Variants in MACF1 observed in about 807,000 individuals in gnomAD.
MACF1 encodes microtubule actin crosslinking factor 1.
In MACF1, 193 loss-of-function variants were observed where a neutral mutation model predicts 854.8. The ratio of observed to expected loss-of-function variants is 0.23; its 90% confidence interval spans 0.20 to 0.25. The LOEUF is 0.25. Among genes scored for constraint, MACF1 ranks in the 10% least tolerant of loss-of-function variants. MACF1 has a pLI of 1.00. For missense variants in MACF1, 7,722 were observed against 8,929.1 expected, an observed-to-expected ratio of 0.86 and a Z score of 5.45; for synonymous variants, 3,185 against 3,226.7, an observed-to-expected ratio of 0.99 and a Z score of 0.44.
intron 58 of MACF1, among the ~76,000 whole-genome samples, chr1:39,406,201 G>C (rs1385471828): frequency 6.6e-6 from 1 of 152,086 alleles, no homozygotes; most frequent in Non-Finnish European, 1.5e-5. Flanking sequence ...ATTTAAATTT[G>C]TTTTCCTAAC....
chr1:39,470,839 A>G (rs1430862732), intron 97 of MACF1, among the ~76,000 whole-genome samples: 1 of 152,220 alleles, frequency 6.6e-6, no homozygotes, highest in East Asian at 1.9e-4. Context: ...ACTAAATAAA[A>G]GAGATATTGC....
intron 2 of MACF1, among the ~76,000 whole-genome samples, chr1:39,198,500 A>C (rs985775374): frequency 2.0e-5 from 3 of 151,796 alleles, no homozygotes; most frequent in Non-Finnish European, 2.9e-5. Flanking sequence ...AAAATACAAA[A>C]ATTAGCCGGG....
intron 2 of MACF1, among the ~76,000 whole-genome samples, chr1:39,146,967 A>G (rs1643479265): frequency 6.6e-6 from 1 of 151,882 alleles, no homozygotes; most frequent in Non-Finnish European, 1.5e-5. Flanking sequence ...AAATATATAC[A>G]CCTACTGAGT....
chr1:39,436,546 G>A, intron 70 of MACF1: 1 of 1,505,364 alleles, frequency 6.6e-7, no homozygotes, highest in Non-Finnish European at 9.2e-7. Context: ...GAAAATTGAG[G>A]TCATTACCTG....
chr1:39,411,490 A>G (rs748134966), intron 58 of MACF1: 5 of 1,613,556 alleles, frequency 3.1e-6, no homozygotes, highest in Admixed American at 3.3e-5. Context: ...CCAGTTGGCT[A>G]CTGTTCCCAA....
chr1:39,177,460 G>A (rs929380380), intron 2 of MACF1, among the ~76,000 whole-genome samples: 2 of 152,130 alleles, frequency 1.3e-5, no homozygotes, highest in Non-Finnish European at 1.5e-5. Context: ...CCAGATTGAT[G>A]CCTAATGTAC....
chr1:39,363,730 A>G (rs946758150), intron 49 of MACF1, among the ~76,000 whole-genome samples: 10 of 151,746 alleles, frequency 6.6e-5, no homozygotes, highest in Non-Finnish European at 1.5e-4. Flanking sequence ...CTCCTGCCTC[A>G]GCCTCCCAAG....
intron 60 of MACF1, among the ~76,000 whole-genome samples, 173 bp from the exon 61 acceptor site, chr1:39,423,855 G>T (rs1169148963): frequency 1.3e-5 from 2 of 151,714 alleles, no homozygotes; most frequent in African/African-American, 4.8e-5. Context: ...AAAAGTATAC[G>T]AGTGGTGAGA....
intron 2 of MACF1, among the ~76,000 whole-genome samples, chr1:39,231,714 A>C (rs531429909): frequency 6.6e-6 from 1 of 150,668 alleles, no homozygotes; most frequent in Non-Finnish European, 1.5e-5. Flanking sequence ...TAATTTATTA[A>C]TTTATTTTAA....
At chr1:39,154,786 C>T (rs1290278372) in intron 2 of MACF1, among the ~76,000 whole-genome samples, 4 of 152,084 alleles carry the variant, frequency 2.6e-5, no homozygotes, top group Non-Finnish European at 5.9e-5. Flanking sequence ...ACATCTCAGG[C>T]ACTGTAGTCT....
intron 1 of MACF1, among the ~76,000 whole-genome samples, chr1:39,218,759 G>T (rs1644609982): frequency 6.7e-6 from 1 of 149,976 alleles, no homozygotes; most frequent in Non-Finnish European, 1.5e-5. Context: ...GTTTTCCTAA[G>T]AAATAAGGTA....
At position 39,435,680 on chromosome 1, in the gene MACF1, A is replaced by G. The variant is rs746650865; in HGVS notation, c.17907A>G (p.Ala5969=). The G allele has an allele frequency of 1.9e-6, 3 of 1,614,100 alleles. No homozygotes were observed. The highest frequency in any genetic ancestry group is 2.5e-6 in the Non-Finnish European group (3 of 1,180,034). ...TGGTGGAAGAAAAATACCAGAAAGCAGAAAACATGTATGCCCAAATAAAGG... is the reference window on the plus strand; with the variant it reads ...TGGTGGAAGAAAAATACCAGAAAGCGGAAAACATGTATGCCCAAATAAAGG... ...GEMVEEKYQK[A]ENMYAQIKEE... Residue 5969 remains alanine, a synonymous_variant, in exon 70 of 101, where the codon GCA becomes GCG. Transcript: ENST00000564288.
At chr1:39,470,006 G>T (rs1386107346) in intron 97 of MACF1, among the ~76,000 whole-genome samples, 1 of 152,174 alleles carries the variant, frequency 6.6e-6, no homozygotes, top group African/African-American at 2.4e-5. Context: ...GCAGAGATGA[G>T]ATTCAAATTC....
intron 57 of MACF1, 60 bp downstream of exon 57, chr1:39,385,989 G>A (rs1641756676): frequency 6.6e-7 from 1 of 1,523,106 alleles, no homozygotes. Context: ...AAGAAGGAAT[G>A]GGTTAGGAGT....
At chr1:39,272,333 G>A (rs1272718853) in intron 6 of MACF1, among the ~76,000 whole-genome samples, 1 of 152,230 alleles carries the variant, frequency 6.6e-6, no homozygotes, top group Admixed American at 6.5e-5. Flanking sequence ...CTTGAGGACA[G>A]TAGCAGCCAG....
intron 36 of MACF1, chr1:39,328,504 G>A (rs1169515354): frequency 6.6e-6 from 1 of 152,168 alleles, no homozygotes; most frequent in African/African-American, 2.4e-5. Flanking sequence ...TGACATCCTT[G>A]CTTACAAGTT....
chr1:39,398,289 C>T (rs1642351718), intron 58 of MACF1, among the ~76,000 whole-genome samples: 1 of 152,128 alleles, frequency 6.6e-6, no homozygotes, highest in Non-Finnish European at 1.5e-5. Context: ...CAGGTGCATG[C>T]TGCCATTCCT....
Position 39,331,185 on chromosome 1 carries a change from T to C in MACF1, c.4615-18T>C, listed in dbSNP as rs113265819. ...TCTTCTCTTTTCCTTTTTTTTTTTT[T>C]TTTTTTTTTTTTTTTAGGAATGCAG... On this transcript the variant is annotated intron_variant, in intron 36 of 100. Transcript: ENST00000564288. The C allele has an allele frequency of 1.3e-6, 1 of 796,830 alleles. No individual in the cohort carries two copies. Among genetic ancestry groups the C allele is most frequent in the South Asian group, 4.1e-5 (1 of 24,360 alleles). 49.4% of individuals were successfully genotyped at this position (796,830 alleles called of 1,614,324 possible). A position where few individuals can be genotyped will look rare whatever the true frequency, so the allele number is the denominator to read the frequency against.
chr1:39,316,515 T>G lies in MACF1; in HGVS notation c.3574T>G (p.Trp1192Gly). ...LADLSALEAHWSTLRHWLSDV... is the reference protein window; with the variant it reads ...LADLSALEAHGSTLRHWLSDV... ...AGATCTCTCAGCTCTGGAGGCCCAT[T>G]GGTCGACATTACGGGTGAGTTGCTC... Residue 1192 changes from tryptophan (W) to glycine (G), a missense_variant, in exon 28 of 101, where the codon TGG becomes GGG. Around this residue, in one of 15 missense-constraint regions of MACF1, gnomAD observed 1,137 missense variants for 1,263.0 expected, o/e 0.90. Coordinates refer to ENST00000564288, the MANE Select transcript of MACF1 (RefSeq NM_001394062.1). 6.2e-7 allele frequency: 1 copy of G among 1,613,446 alleles called. No individual in the cohort carries two copies. Among genetic ancestry groups the G allele is most frequent in the Non-Finnish European group, 8.5e-7 (1 of 1,179,564 alleles).
Sources: gnomAD v4.1 joint callset for allele counts (sites outside exome capture counted in the v4.1 genomes callset) on GRCh38, gnomAD v4.1.1 for gene constraint, gnomAD v4.1.1 regional missense constraint, MANE v1.5 for transcripts, NCBI Gene and HGNC (gene_info 2026-07-23, HGNC 2026-07-21) for gene names.